The following NHS variants were observed in gnomAD, a reference collection of about 807,000 sequenced individuals.
The protein encoded by NHS is actin remodeling regulator NHS.
In NHS, 5 loss-of-function variants were observed where a neutral mutation model predicts 72.5. The observed-to-expected ratio is 0.07, with a 90% CI of 0.04 to 0.14. The LOEUF is 0.14. NHS is among the 10% of genes least tolerant of loss of function. The pLI, the probability that NHS is intolerant of heterozygous loss-of-function variation, is 1.00. For synonymous variants in NHS, 464 were observed against 547.7 expected, an observed-to-expected ratio of 0.85 and a Z score of 2.13; for missense variants, 1,072 against 1,355.7, an observed-to-expected ratio of 0.79 and a Z score of 3.29.
intron 1 of NHS, among the ~76,000 whole-genome samples, chrX:17,464,891 GGGAGAAGAGGA>G (rs1389085037): frequency 8.9e-6 from 1 of 112,410 alleles, no homozygotes; most frequent in Non-Finnish European, 1.9e-5. Context: ...CATCTGTAAA[GGGAGAAGAGGA>G]GGCTAGAGCC....
rs751819471 is a variant in NHS at position 17,534,366 on chromosome X, T to A, written c.566-153376T>A. On this transcript the variant is annotated intron_variant, in intron 1 of 8. Coordinates refer to ENST00000676302, the MANE Select transcript of NHS (RefSeq NM_001291867.2). ...ATTGATTTTGGGAAGTAATGCCATG[T>A]TTTTCTTCCCCCAGGCCTATAGCTA... is the stretch of plus-strand genomic sequence containing the variant. 5.4e-5 allele frequency among the ~76,000 whole-genome samples: 6 copies of A among 111,130 alleles called. No individual in the cohort carries two copies. In the East Asian group the frequency reaches 1.7e-3, roughly 31 times the overall value.
intron 1 of NHS, among the ~76,000 whole-genome samples, chrX:17,649,171 C>T (rs1852309833): frequency 8.9e-6 from 1 of 111,956 alleles, no homozygotes; most frequent in Admixed American, 9.5e-5. Flanking sequence ...GGGATCTTTG[C>T]AATGTTTGCA....
chrX:17,403,565 A>G (rs1019391215), intron 1 of NHS, among the ~76,000 whole-genome samples: 1 of 111,986 alleles, frequency 8.9e-6, no homozygotes, highest in Non-Finnish European at 1.9e-5. Flanking sequence ...TGGAATAAAC[A>G]CTAGAGCAAC....
At chrX:17,446,621 A>G (rs1294797331) in intron 1 of NHS, among the ~76,000 whole-genome samples, 5 of 106,849 alleles carry the variant, frequency 4.7e-5, no homozygotes, top group Non-Finnish European at 9.6e-5. Context: ...GACTCAGCCC[A>G]CCTGCACCCA....
intron 1 of NHS, among the ~76,000 whole-genome samples, chrX:17,551,202 A>G (rs1486887519): frequency 1.8e-5 from 2 of 111,686 alleles, no homozygotes; most frequent in African/African-American, 6.5e-5. Context: ...CTCCCCCACT[A>G]GAGTGTAGGT....
intron 1 of NHS, among the ~76,000 whole-genome samples, chrX:17,410,818 T>C (rs1475034606): frequency 9.0e-6 from 1 of 111,589 alleles, no homozygotes; most frequent in Admixed American, 9.6e-5. Context: ...AATCCTATTA[T>C]TTAGTCAAAG....
At chrX:17,486,658 T>C (rs765845861) in intron 1 of NHS, among the ~76,000 whole-genome samples, 29 of 111,875 alleles carry the variant, frequency 2.6e-4, no homozygotes, top group Non-Finnish European at 4.9e-4. Flanking sequence ...GAGCAAGTTA[T>C]ATGGCCAAGC....
intron 1 of NHS, among the ~76,000 whole-genome samples, chrX:17,550,076 T>C (rs2065324074): frequency 8.9e-6 from 1 of 111,948 alleles, no homozygotes; most frequent in African/African-American, 3.2e-5. Context: ...AGGTAAGGTG[T>C]TGATTTCTTG....
chrX:17,700,108 G>A (rs1255775280), intron 3 of NHS, among the ~76,000 whole-genome samples: 1 of 111,125 alleles, frequency 9.0e-6, no homozygotes, highest in African/African-American at 3.3e-5. Flanking sequence ...AAAAATATAG[G>A]CATGTTTCTT....
At chrX:17,631,942 C>T (rs1042067957) in intron 1 of NHS, among the ~76,000 whole-genome samples, 6 of 111,678 alleles carry the variant, frequency 5.4e-5, no homozygotes, top group Admixed American at 9.5e-5. Context: ...GAGTGCCAGT[C>T]ATCACATTAT....
chrX:17,376,034 G>A lies in NHS; in HGVS notation c.277G>A (p.Glu93Lys), dbSNP rs1341004065. 1 of 1,082,472 alleles carries A rather than the reference G, an allele frequency of 9.2e-7. No homozygotes were observed. The highest frequency in any genetic ancestry group is 1.2e-6 in the Non-Finnish European group (1 of 838,061). The allele number at this position is 1,082,472 out of a possible 1,213,427, so 89.2% of individuals were successfully genotyped here. The change falls in exon 1 of 9, where the codon GAG becomes AAG. Residue 93 changes from glutamate (E) to lysine (K), a missense_variant. By Grantham distance (56) the Glu-to-Lys change is moderately conservative. Transcript: ENST00000676302. ...GCACGGAGAGGCGTCCGTGGCTGGCGAGGAGAGCACGGCGGGGATCCCGGA... is the reference window on the plus strand; with the variant it reads ...GCACGGAGAGGCGTCCGTGGCTGGCAAGGAGAGCACGGCGGGGATCCCGGA... ...PPHGEASVAG[E>K]ESTAGIPEAA...
intron 1 of NHS, among the ~76,000 whole-genome samples, chrX:17,385,308 G>A (rs941588603): frequency 9.0e-6 from 1 of 111,312 alleles, no homozygotes; most frequent in Non-Finnish European, 1.9e-5. Flanking sequence ...GAACCCAGGA[G>A]TTCGAGACTA....
At chrX:17,571,052 C>A (rs7051820) in intron 1 of NHS, among the ~76,000 whole-genome samples, 2 of 110,786 alleles carry the variant, frequency 1.8e-5, no homozygotes, top group Admixed American at 9.5e-5. Flanking sequence ...CTTTTTGATG[C>A]GCTGCTGGAT....
rs772842868 is a variant in NHS at position 17,719,319 on chromosome X, C to CT, written c.853-18dup. ...GTTGTGTGCACGTTTTTAATTTTTT[C>CT]TTTTTTTGCATTTCATGTTCATAGT... On this transcript the variant is annotated intron_variant, in intron 3 of 8. Transcript: ENST00000676302. 17 of 1,160,261 alleles carry CT rather than the reference C, an allele frequency of 1.5e-5. No homozygotes were observed. In the African/African-American group the frequency reaches 2.5e-4, roughly 17 times the overall value.
intron 1 of NHS, among the ~76,000 whole-genome samples, chrX:17,559,845 T>C (rs140235435): frequency 0.019 from 2,142 of 111,171 alleles, 50 homozygotes; most frequent in African/African-American, 0.066. Flanking sequence ...TTTTGCAGCT[T>C]CTCCCTGTGA....
chrX:17,404,740 AC>A (rs1215846387), intron 1 of NHS, among the ~76,000 whole-genome samples: 1 of 107,743 alleles, frequency 9.3e-6, no homozygotes, highest in Non-Finnish European at 1.9e-5. Context: ...CTTTGATACC[AC>A]TTTTTTCCTG....
chrX:17,552,136 C>T (rs910176564), intron 1 of NHS, among the ~76,000 whole-genome samples: 3 of 111,814 alleles, frequency 2.7e-5, no homozygotes, highest in African/African-American at 9.8e-5. Flanking sequence ...ATCACACTAC[C>T]TCCATGGCTA....
At chrX:17,676,729 A>C (rs888323188) in intron 1 of NHS, among the ~76,000 whole-genome samples, 7 of 112,275 alleles carry the variant, frequency 6.2e-5, no homozygotes, top group Non-Finnish European at 1.3e-4. Flanking sequence ...CAGGCGTGGA[A>C]GCCTTGAAAA....
chrX:17,405,882 C>T (rs1314093267), intron 1 of NHS, among the ~76,000 whole-genome samples: 1 of 112,277 alleles, frequency 8.9e-6, no homozygotes, highest in Non-Finnish European at 1.9e-5. Flanking sequence ...TAGAGCATCC[C>T]TGAGGCCATG....
Sources: gnomAD v4.1 joint callset for allele counts (sites outside exome capture counted in the v4.1 genomes callset) on GRCh38, gnomAD v4.1.1 for gene constraint, MANE v1.5 for transcripts, NCBI Gene and HGNC (gene_info 2026-07-23, HGNC 2026-07-21) for gene names.